CACNA1E: variants seen among roughly 807,000 people sequenced by gnomAD.
CACNA1E encodes calcium voltage-gated channel subunit alpha1 E.
In CACNA1E, 40 loss-of-function variants were observed where a neutral mutation model predicts 259.2. The observed-to-expected ratio is 0.15, with a 90% CI of 0.12 to 0.20. CACNA1E has a LOEUF of 0.20. Among genes scored for constraint, CACNA1E ranks in the 10% least tolerant of loss-of-function variants. The probability of loss-of-function intolerance (pLI) is 1.00; values close to 1 mark genes in which losing one functional copy is unlikely to be tolerated. For missense variants in CACNA1E, 1,874 were observed against 3,040.1 expected, an observed-to-expected ratio of 0.62 and a Z score of 9.02; for synonymous variants, 1,104 against 1,138.5, an observed-to-expected ratio of 0.97 and a Z score of 0.61.
intron 6 of CACNA1E, among the ~76,000 whole-genome samples, chr1:181,619,435 A>G (rs1338573097): frequency 2.0e-5 from 3 of 152,158 alleles, no homozygotes; most frequent in African/African-American, 7.2e-5. Context: ...TAGGGGAGCC[A>G]GGTCAGGTAG....
intron 3 of CACNA1E, among the ~76,000 whole-genome samples, chr1:181,539,244 A>G (rs2102772086): frequency 6.6e-6 from 1 of 152,318 alleles, no homozygotes; most frequent in South Asian, 2.1e-4. Context: ...TGACATTAGT[A>G]TCTCCTCCAC....
chr1:181,495,644 T>C (rs1025822980), intron 1 of CACNA1E, among the ~76,000 whole-genome samples: 1 of 152,206 alleles, frequency 6.6e-6, no homozygotes, highest in Non-Finnish European at 1.5e-5. Flanking sequence ...TGCTGCCAGA[T>C]AATGTTTACG....
intron 1 of CACNA1E, among the ~76,000 whole-genome samples, chr1:181,388,344 A>C (rs1437117256): frequency 6.6e-6 from 1 of 152,256 alleles, no homozygotes; most frequent in Non-Finnish European, 1.5e-5. Flanking sequence ...GTCATGTGTC[A>C]GTTAATGACA....
chr1:181,536,862 T>G (rs4652662), intron 3 of CACNA1E, among the ~76,000 whole-genome samples: 150,836 of 151,888 alleles, frequency 0.99, 74,908 homozygotes, highest in Middle Eastern at 1. Context: ...CTTGTGGGCA[T>G]ATTTTCCTTT....
chr1:181,422,741 ATGTCTGGTTCC>A (rs1240432445), intron 2 of CACNA1E, among the ~76,000 whole-genome samples: 2 of 152,150 alleles, frequency 1.3e-5, no homozygotes, highest in Non-Finnish European at 2.9e-5. Context: ...TTTCTCCTTG[ATGTCTGGTTCC>A]TCACCTTCAG....
intron 1 of CACNA1E, among the ~76,000 whole-genome samples, chr1:181,354,349 G>A (rs1032998078): frequency 6.6e-6 from 1 of 152,160 alleles, no homozygotes; most frequent in African/African-American, 2.4e-5. Flanking sequence ...CTCCTGCTAT[G>A]GAGAAAATCT....
chr1:181,338,982 G>A (rs908564072), intron 1 of CACNA1E, among the ~76,000 whole-genome samples: 4 of 151,790 alleles, frequency 2.6e-5, no homozygotes, highest in Non-Finnish European at 4.4e-5. Flanking sequence ...TCTATGCTTC[G>A]AATTATTTCT....
At chr1:181,513,264 T>A (rs1666297798) in intron 3 of CACNA1E, among the ~76,000 whole-genome samples, 2 of 152,202 alleles carry the variant, frequency 1.3e-5, no homozygotes, top group Admixed American at 1.3e-4. Flanking sequence ...TTTGTGGTAT[T>A]TCCTTCCAGG....
intron 1 of CACNA1E, among the ~76,000 whole-genome samples, chr1:181,361,465 C>T (rs922712823): frequency 6.6e-6 from 1 of 152,152 alleles, no homozygotes; most frequent in African/African-American, 2.4e-5. Flanking sequence ...GGCTGCTAGA[C>T]TCCTTTTCCC....
chr1:181,478,944 A>C (rs549060936), upstream of CACNA1E, among the ~76,000 whole-genome samples: 1 of 152,224 alleles, frequency 6.6e-6, no homozygotes, highest in Non-Finnish European at 1.5e-5. Flanking sequence ...TCCCCTTCAC[A>C]CCTGATTGCA....
chr1:181,637,564 G>A (rs1420620298), intron 6 of CACNA1E, among the ~76,000 whole-genome samples: 3 of 151,234 alleles, frequency 2.0e-5, no homozygotes, highest in Non-Finnish European at 4.4e-5. Context: ...CATACATTCC[G>A]CTTATTCACT....
intron 1 of CACNA1E, among the ~76,000 whole-genome samples, chr1:181,494,442 A>G (rs995466412): frequency 6.6e-5 from 10 of 151,532 alleles, no homozygotes; most frequent in African/African-American, 2.2e-4. Context: ...GTTCTCATTC[A>G]GTTTAATTTT....
At chr1:181,402,001 A>T (rs1464088265) in intron 1 of CACNA1E, among the ~76,000 whole-genome samples, 2 of 152,232 alleles carry the variant, frequency 1.3e-5, no homozygotes, top group Admixed American at 1.3e-4. Flanking sequence ...GAAGAAATGT[A>T]GGATGGCCAC....
intron 2 of CACNA1E, among the ~76,000 whole-genome samples, chr1:181,451,198 C>G (rs1207266627): frequency 1.3e-5 from 2 of 152,228 alleles, no homozygotes; most frequent in East Asian, 3.8e-4. Flanking sequence ...CCCTAACTAA[C>G]CCAGTACCTA....
chr1:181,446,161 C>A (rs1282865034), intron 2 of CACNA1E, among the ~76,000 whole-genome samples: 1 of 152,194 alleles, frequency 6.6e-6, no homozygotes, highest in Non-Finnish European at 1.5e-5. Flanking sequence ...CTGTGGTGTT[C>A]TTTGGGGGGA....
chr1:181,715,468 G>T (rs1249426173), intron 9 of CACNA1E, 77 bp downstream of exon 9: 1 of 810,422 alleles, frequency 1.2e-6, no homozygotes, highest in East Asian at 2.6e-5. Context: ...TATTCAAAAG[G>T]AGAGAAAGAA....
In CACNA1E at chr1:181,798,383, C is replaced by T; in HGVS notation, c.6491C>T (p.Pro2164Leu). ...CGTCGGCAGCTCCCACCCGTCCCGCCAAAGCCCCGGCCCCTCCTTTCCTAC... is the reference window on the plus strand; with the variant it reads ...CGTCGGCAGCTCCCACCCGTCCCGCTAAAGCCCCGGCCCCTCCTTTCCTAC... ...RSRRQLPPVP[P>L]KPRPLLSYSS... is the part of the protein sequence containing the mutation. Residue 2164 changes from proline to leucine, a missense_variant, in exon 48 of 48, where the codon CCA (proline) becomes CTA (leucine). Physicochemically the swap from Pro to Leu is moderately conservative, Grantham distance 98 (BLOSUM62 -3). Coordinates refer to ENST00000367573, the MANE Select transcript of CACNA1E (RefSeq NM_001205293.3). The surrounding 1 kb of genome is among the most constrained non-coding windows in gnomAD (Gnocchi z 4.2). The T allele has an allele frequency of 6.2e-7, 1 of 1,613,238 alleles. No homozygotes were observed. The highest frequency in any genetic ancestry group is 8.5e-7 in the Non-Finnish European group (1 of 1,179,878).
At position 181,440,896 on chromosome 1, in the gene CACNA1E, G is replaced by C. The variant is rs566073206; in HGVS notation, c.434+27316G>C. On this transcript the variant is annotated intron_variant, in intron 2 of 11. Coordinates refer to the CACNA1E transcript ENST00000524607. ...CTCAGGAAGCTGAGGTGGAAGGATC[G>C]CTTGAGCCTGGGAGGTCGAGGCTGC... 8.0e-5 allele frequency among the ~76,000 whole-genome samples: 12 copies of C among 149,096 alleles called. No homozygotes were observed. In the South Asian group the frequency reaches 2.6e-3, roughly 32 times the overall value.
chr1:181,740,996 T>C (rs1280852380), intron 25 of CACNA1E, among the ~76,000 whole-genome samples: 6 of 152,224 alleles, frequency 3.9e-5, no homozygotes, highest in Admixed American at 2.0e-4. Flanking sequence ...AGACCCACCT[T>C]TTTTGTTAGA....
Sources: gnomAD v4.1 joint callset for allele counts (sites outside exome capture counted in the v4.1 genomes callset) on GRCh38, gnomAD v4.1.1 for gene constraint, Gnocchi (gnomAD v3.1) non-coding constraint, MANE v1.5 for transcripts, NCBI Gene and HGNC (gene_info 2026-07-23, HGNC 2026-07-21) for gene names.